WWC1: variants seen among roughly 807,000 people sequenced by gnomAD.
WWC1 encodes protein KIBRA.
WWC1 carries 55 observed loss-of-function variants against 138.4 expected under a neutral mutation model. The ratio of observed to expected loss-of-function variants is 0.40; its 90% CI spans 0.32 to 0.50. The LOEUF is 0.50. Ranked by LOEUF, WWC1 falls within the 20% of genes least tolerant of loss-of-function variation. The probability of loss-of-function intolerance (pLI) is 0.72; values close to 1 mark genes in which losing one functional copy is unlikely to be tolerated. For missense variants in WWC1, 1,226 were observed against 1,420.4 expected (o/e 0.86, Z 2.20); for synonymous variants, 524 against 564.9 (o/e 0.93, Z 1.03).
chr5:168,464,704 A>G, intron 20 of WWC1, 25 bp from the exon 21 acceptor site: 4 of 1,613,764 alleles, frequency 2.5e-6, no homozygotes, highest in Non-Finnish European at 3.4e-6. Flanking sequence ...TCTAATAACA[A>G]GAGAAGCCGT....
chr5:168,363,455 G>A (rs535180329), intron 1 of WWC1, among the ~76,000 whole-genome samples: 2 of 140,106 alleles, frequency 1.4e-5, no homozygotes, highest in Non-Finnish European at 3.0e-5. Context: ...ACCCTGGGAG[G>A]TAGAGATTGC....
At chr5:168,378,913 C>T (rs1453172358) in intron 2 of WWC1, among the ~76,000 whole-genome samples, 1 of 151,956 alleles carries the variant, frequency 6.6e-6, no homozygotes, top group Admixed American at 6.6e-5. Context: ...TTGTTAGCGG[C>T]GTGGGTGTGT....
chr5:168,455,226 A>C, intron 18 of WWC1, 130 bp from the exon 19 acceptor site: 1 of 1,214,284 alleles, frequency 8.2e-7, no homozygotes, highest in Non-Finnish European at 1.1e-6. Context: ...GGCTAATGCC[A>C]AGGAAACCCT....
rs146140616 is a variant in WWC1, at chr5:168,332,752, A to C, written c.120-38672A>C. ...GTGACAGGGTCTCACTCTGCCGCCC[A>C]GGCTGGAGTGCAGTGGCACAATCTC... is the stretch of plus-strand genomic sequence containing the variant. On this transcript the variant is annotated intron_variant, in intron 1 of 22. Transcript: ENST00000265293. 6.2e-3 allele frequency among the ~76,000 whole-genome samples: 947 copies of C among 151,642 alleles called. 9 individuals carry two copies. Among genetic ancestry groups the C allele is most frequent in the African/African-American group, 0.022 (902 of 41,274 alleles).
intron 3 of WWC1, among the ~76,000 whole-genome samples, chr5:168,393,262 AG>A (rs1159969422): frequency 6.6e-6 from 1 of 152,210 alleles, no homozygotes; most frequent in Non-Finnish European, 1.5e-5. Context: ...TTAGACTGAA[AG>A]GGTTCACTGA....
chr5:168,295,483 C>CGTGTGTGTGTGTGTGTGT (rs3138761), intron 1 of WWC1, among the ~76,000 whole-genome samples: 54 of 142,566 alleles, frequency 3.8e-4, no homozygotes, highest in African/African-American at 1.2e-3. Context: ...ATTTCTACTC[C>CGTGTGTGTGTGTGTGTGT]GTGTGTGTGT....
At chr5:168,350,611 A>C (rs967523889) in intron 1 of WWC1, among the ~76,000 whole-genome samples, 20 of 152,288 alleles carry the variant, frequency 1.3e-4, no homozygotes, top group Non-Finnish European at 2.8e-4. Flanking sequence ...CTCCACCCCA[A>C]CATAAAGGGC....
At chr5:168,376,911 C>T (rs1272154033) in intron 2 of WWC1, among the ~76,000 whole-genome samples, 1 of 152,152 alleles carries the variant, frequency 6.6e-6, no homozygotes, top group Non-Finnish European at 1.5e-5. Context: ...CATCATTTTT[C>T]ACAGAATTAG....
intron 3 of WWC1, 111 bp from the exon 4 acceptor site, chr5:168,397,613 T>A: frequency 9.5e-7 from 1 of 1,055,198 alleles, no homozygotes; most frequent in Non-Finnish European, 1.4e-6. Flanking sequence ...AACATTTAGG[T>A]TGTTCACTTT....
intron 9 of WWC1, among the ~76,000 whole-genome samples, chr5:168,421,642 G>A (rs1317216059): frequency 6.6e-6 from 1 of 152,162 alleles, no homozygotes; most frequent in Non-Finnish European, 1.5e-5. Context: ...AGGAGGGTAT[G>A]GTTGGGTGAA....
intron 17 of WWC1, among the ~76,000 whole-genome samples, chr5:168,449,712 T>TA (rs1755622807): frequency 6.6e-6 from 1 of 152,024 alleles, no homozygotes; most frequent in African/African-American, 2.4e-5. Context: ...TGGCTGGGAT[T>TA]ACAGGCATGT....
chr5:168,377,875 T>C (rs1315310351), intron 2 of WWC1, among the ~76,000 whole-genome samples: 1 of 152,088 alleles, frequency 6.6e-6, no homozygotes, highest in Non-Finnish European at 1.5e-5. Context: ...AGTTTGGAGA[T>C]TTTTCAAAGA....
chr5:168,402,726 C>T (rs1779400055), intron 5 of WWC1, among the ~76,000 whole-genome samples: 1 of 152,176 alleles, frequency 6.6e-6, no homozygotes, highest in African/African-American at 2.4e-5. Context: ...GGTGACAGGG[C>T]TGAAACCCAG....
chr5:168,369,440 T>C (rs1284680866), intron 1 of WWC1, among the ~76,000 whole-genome samples: 1 of 152,190 alleles, frequency 6.6e-6, no homozygotes, highest in Non-Finnish European at 1.5e-5. Context: ...TCTGGCTCTG[T>C]TGCCCAGCTT....
chr5:168,297,365 G>A (rs1769629803), intron 1 of WWC1, among the ~76,000 whole-genome samples: 1 of 152,166 alleles, frequency 6.6e-6, no homozygotes, highest in Admixed American at 6.5e-5. Context: ...GGTGGCTCAT[G>A]CCTATAATCC....
chr5:168,433,793 C>G (rs1259685326), intron 15 of WWC1, among the ~76,000 whole-genome samples: 1 of 152,238 alleles, frequency 6.6e-6, no homozygotes, highest in Non-Finnish European at 1.5e-5. Flanking sequence ...CTGTCTCCAC[C>G]TCCCAAAGTT....
intron 14 of WWC1, 29 bp from the exon 15 acceptor site, chr5:168,431,223 A>G (rs1481378927): frequency 1.9e-6 from 3 of 1,586,442 alleles, no homozygotes; most frequent in Admixed American, 1.7e-5. Flanking sequence ...GGCTGACCCA[A>G]GATTTCCTGC....
chr5:168,355,530 A>G (rs886683351), intron 1 of WWC1, among the ~76,000 whole-genome samples: 12 of 151,076 alleles, frequency 7.9e-5, no homozygotes, highest in South Asian at 2.1e-4. Flanking sequence ...CAGCATTTCA[A>G]CTGAGAGCCA....
intron 8 of WWC1, among the ~76,000 whole-genome samples, chr5:168,413,718 T>C (rs1780386380): frequency 6.6e-6 from 1 of 152,242 alleles, no homozygotes; most frequent in African/African-American, 2.4e-5. Flanking sequence ...TACCTGTCTC[T>C]GAATTGAGAA....
Sources: allele counts gnomAD v4.1 joint callset (sites outside exome capture counted in the v4.1 genomes callset), GRCh38; gene constraint gnomAD v4.1.1; transcripts MANE v1.5; gene names NCBI Gene and HGNC (gene_info 2026-07-23, HGNC 2026-07-21).